The following SMTN variants were observed in gnomAD, a reference collection of about 807,000 sequenced individuals.
SMTN encodes the protein smoothelin.
SMTN carries 58 observed loss-of-function variants against 102.0 expected under a neutral mutation model. The observed-to-expected ratio is 0.57, with a 90% CI of 0.46 to 0.71. SMTN has a LOEUF of 0.71. Among genes scored for constraint, SMTN ranks in the 30% least tolerant of loss-of-function variants. SMTN has a pLI of 0.00. For synonymous variants in SMTN, 478 were observed against 497.9 expected (o/e 0.96, Z 0.53); for missense variants, 1,185 against 1,241.7 (o/e 0.95, Z 0.69).
upstream of SMTN, among the ~76,000 whole-genome samples, chr22:31,077,525 G>A (rs1401468145): frequency 6.6e-6 from 1 of 152,104 alleles, no homozygotes; most frequent in Non-Finnish European, 1.5e-5. Flanking sequence ...TGTAGTATAA[G>A]CATGATCAGG....
chr22:31,092,124 G>A (rs1425079514), intron 11 of SMTN, among the ~76,000 whole-genome samples: 1 of 152,192 alleles, frequency 6.6e-6, no homozygotes, highest in Non-Finnish European at 1.5e-5. Flanking sequence ...TTCGAAATTG[G>A]TTGGTTCATT....
Position 31,091,684 on chromosome 22 carries a change from T to C in SMTN, c.1469T>C (p.Leu490Pro), listed in dbSNP as rs2043144172. Reference protein sequence around the residue: ...PTGNQRAELTLGLRAPPTLLS... With the variant: ...PTGNQRAELTPGLRAPPTLLS... ...CTTTCTCCCCACTCAGAACTGACAC[T>C]GGGGCTGCGGGCGCCCCCGACCCTA... Residue 490 changes from leucine to proline, a missense_variant, in exon 11 of 21, where the codon CTG (leucine) becomes CCG (proline). By Grantham distance (98) the Leu-to-Pro change is moderately conservative. Transcript: ENST00000333137. 6.3e-7 allele frequency: 1 copy of C among 1,593,166 alleles called. No individual in the cohort carries two copies. The highest frequency in any genetic ancestry group is 8.6e-7 in the Non-Finnish European group (1 of 1,166,226).
At chr22:31,064,449 C>T (rs564637607) in intron 1 of SMTN, 5 of 152,286 alleles carry the variant, frequency 3.3e-5, no homozygotes, top group Middle Eastern at 3.4e-3. Flanking sequence ...GAGAAGATAG[C>T]ATCCGAAAGA....
intron 11 of SMTN, among the ~76,000 whole-genome samples, chr22:31,094,358 G>T (rs758880882): frequency 2.6e-4 from 39 of 152,220 alleles, no homozygotes; most frequent in Non-Finnish European, 2.9e-5. Context: ...TAGAGGTCTT[G>T]GCTCAGGGCA....
chr22:31,103,494 C>G (rs2044254200), intron 20 of SMTN: 1 of 152,276 alleles, frequency 6.6e-6, no homozygotes, highest in Non-Finnish European at 1.5e-5. Context: ...GAACTGGGGG[C>G]CTGGGTCCCA....
At chr22:31,083,516 G>A (rs2042449972) in intron 2 of SMTN, 1 of 591,476 alleles carries the variant, frequency 1.7e-6, no homozygotes, top group Non-Finnish European at 2.9e-6. Context: ...CTGAAGCCTA[G>A]TCCCTCCCAA....
At chr22:31,082,831 C>G (rs1602588768) in intron 1 of SMTN, 2 of 1,500,860 alleles carry the variant, frequency 1.3e-6, no homozygotes, top group East Asian at 2.5e-5. Context: ...GAGTGCACCC[C>G]CTGGTGGTAA....
intron 1 of SMTN, among the ~76,000 whole-genome samples, chr22:31,068,831 G>GCT (rs1229000041): frequency 6.6e-6 from 1 of 152,168 alleles, no homozygotes; most frequent in Non-Finnish European, 1.5e-5. Flanking sequence ...ACAGTACAGA[G>GCT]TAATTTTGGG....
intron 19 of SMTN, 44 bp downstream of exon 19, chr22:31,099,940 G>A (rs1267246479): frequency 1.3e-6 from 2 of 1,599,522 alleles, no homozygotes. Context: ...GCACATCTGG[G>A]GCTGGACATC....
rs759281689 is a variant in SMTN, at chr22:31,090,983, A to G, written c.960A>G (p.Gly320=). The G allele has an allele frequency of 6.2e-7, 1 of 1,613,292 alleles. No individual in the cohort carries two copies. Among genetic ancestry groups the G allele is most frequent in the Non-Finnish European group, 8.5e-7 (1 of 1,179,552 alleles). The change falls in exon 10 of 21, where the codon GGA becomes GGG. Residue 320 remains glycine (G), a synonymous_variant. Transcript: ENST00000333137. Reference sequence around the variant, plus strand: ...TAGAGTCCACCCCCCTTGCCAGCGGACCTTCCTCATTCCAGCGGGCTGGCT... The same window carrying G: ...TAGAGTCCACCCCCCTTGCCAGCGGGCCTTCCTCATTCCAGCGGGCTGGCT... ...QNRESTPLAS[G]PSSFQRAGSV...
intron 16 of SMTN, among the ~76,000 whole-genome samples, chr22:31,097,681 G>A (rs2043706076): frequency 6.6e-6 from 1 of 151,628 alleles, no homozygotes; most frequent in Non-Finnish European, 1.5e-5. Context: ...TCCAGTCTGG[G>A]CAACAGAGCG....
rs775125801 is a variant in SMTN, at chr22:31,091,477, G to A, written c.1454G>A (p.Arg485Lys). 8.6e-6 allele frequency: 13 copies of A among 1,518,870 alleles called. No homozygotes were observed. Among genetic ancestry groups the A allele is most frequent in the African/African-American group, 4.2e-5 (3 of 71,890 alleles). 94.1% of individuals were successfully genotyped at this position (1,518,870 alleles called of 1,614,324 possible). A position where few individuals can be genotyped will look rare whatever the true frequency, so the allele number is the denominator to read the frequency against. ...GTGCTGCTGCCCACAGGCAACCAGA[G>A]GGCAGGTAGGCGCCCCCCACTGCCT... ...GRVLLPTGNQ[R>K]AELTLGLRAP... The change falls in exon 10 of 21, where the codon AGG becomes AAG. Residue 485 changes from arginine (R) to lysine (K), a missense_variant. Arg to Lys is a conservative substitution (Grantham distance 26). This residue lies in a region of SMTN where 1,096 missense variants were observed against 1,112.7 expected (regional missense o/e 0.98). Coordinates refer to ENST00000333137, the MANE Select transcript of SMTN (RefSeq NM_134269.3).
At chr22:31,084,793 C>T (rs997351277) in intron 2 of SMTN, among the ~76,000 whole-genome samples, 5 of 152,260 alleles carry the variant, frequency 3.3e-5, no homozygotes, top group African/African-American at 1.2e-4. Context: ...CTGCCCCGGT[C>T]TCGGGATCGG....
chr22:31,086,179 C>G (rs1010736672), intron 2 of SMTN, among the ~76,000 whole-genome samples: 7 of 151,814 alleles, frequency 4.6e-5, no homozygotes, highest in Non-Finnish European at 8.8e-5. Flanking sequence ...CTCAGAGCAT[C>G]TCTAGTCCAG....
chr22:31,100,559 C>T (rs1474399401), intron 19 of SMTN, among the ~76,000 whole-genome samples: 5 of 152,078 alleles, frequency 3.3e-5, no homozygotes, highest in Admixed American at 6.5e-5. Context: ...TTGGTGCCAA[C>T]GCCATCGCCC....
chr22:31,091,052 G>T lies in SMTN; in HGVS notation c.1029G>T (p.Met343Ile), dbSNP rs1198896250. The change falls in exon 10 of 21, where the codon ATG (methionine) becomes ATT (isoleucine). Residue 343 changes from methionine (M) to isoleucine (I), a missense_variant. This residue lies in a region of SMTN where 1,096 missense variants were observed against 1,112.7 expected (regional missense o/e 0.98). Coordinates refer to ENST00000333137, the MANE Select transcript of SMTN (RefSeq NM_134269.3). ...ACAAGTTCACATCTGATTCTCCTATGGCTGCTAGGCTCCAGGATGGCACAC... is the reference window on the plus strand; with the variant it reads ...ACAAGTTCACATCTGATTCTCCTATTGCTGCTAGGCTCCAGGATGGCACAC... ...RVHKFTSDSP[M>I]AARLQDGTPQ... The T allele has an allele frequency of 6.2e-7, 1 of 1,614,040 alleles. No individual in the cohort carries two copies.
chr22:31,071,671 GCTCT>G (rs142477699), intron 1 of SMTN, among the ~76,000 whole-genome samples: 28,727 of 141,630 alleles, frequency 0.2, 3,730 homozygotes, highest in African/African-American at 0.39. Flanking sequence ...AATAGTTCTA[GCTCT>G]CTCTTTCTCT....
intron 2 of SMTN, among the ~76,000 whole-genome samples, chr22:31,084,727 G>A (rs919238224): frequency 6.6e-6 from 1 of 152,258 alleles, no homozygotes; most frequent in Admixed American, 6.5e-5. Flanking sequence ...CTGGAAAAGA[G>A]TTTTGGAGAG....
rs2043076133 is a variant in SMTN, at chr22:31,090,870, C to T, written c.928C>T (p.Gln310Ter). Residue 310 changes from glutamine to a stop codon, truncating the protein, a stop_gained, in exon 9 of 21, where the codon CAG becomes TAG. Transcript: ENST00000333137. LOFTEE classifies it high-confidence loss of function. The part of the protein sequence containing the change: ...LSVLSPRQPA[Q>*]NRESTPLASG... ...GGTGCTCAGCCCCCGCCAACCAGCCCAGAACCGAGGTACTACCTATTCTCA... is the reference window on the plus strand; with the variant it reads ...GGTGCTCAGCCCCCGCCAACCAGCCTAGAACCGAGGTACTACCTATTCTCA... 1 of 1,614,010 alleles carries T rather than the reference C, an allele frequency of 6.2e-7. No homozygotes were observed. The highest frequency in any genetic ancestry group is 8.5e-7 in the Non-Finnish European group (1 of 1,179,934).
Sources: gnomAD v4.1 joint callset for allele counts (sites outside exome capture counted in the v4.1 genomes callset) on GRCh38, gnomAD v4.1.1 for gene constraint, gnomAD v4.1.1 regional missense constraint, MANE v1.5 for transcripts, NCBI Gene and HGNC (gene_info 2026-07-23, HGNC 2026-07-21) for gene names.